ADIPOR2: variants seen among roughly 807,000 people sequenced by gnomAD.
The protein encoded by ADIPOR2 is adiponectin receptor 2, also known as adiponectin receptor protein 2.
In ADIPOR2, 18 loss-of-function variants were observed where a neutral mutation model predicts 40.9. That is an observed-to-expected ratio of 0.44 (90% CI 0.30 to 0.65). The LOEUF is 0.65. Among genes scored for constraint, ADIPOR2 ranks in the 30% least tolerant of loss-of-function variants. The probability of loss-of-function intolerance (pLI) is 0.09; values close to 1 mark genes in which losing one functional copy is unlikely to be tolerated. For missense variants in ADIPOR2, 283 were observed against 479.2 expected (o/e 0.59, Z 3.82); for synonymous variants, 165 against 166.4 (o/e 0.99, Z 0.06).
intron 1 of ADIPOR2, among the ~76,000 whole-genome samples, chr12:1,745,705 A>G (rs985630210): frequency 3.9e-5 from 6 of 152,194 alleles, no homozygotes; most frequent in African/African-American, 1.4e-4. Flanking sequence ...CCATTCTTCC[A>G]CTCAAACTTC....
intron 1 of ADIPOR2, among the ~76,000 whole-genome samples, chr12:1,745,315 A>G (rs1194187985): frequency 1.3e-5 from 2 of 152,138 alleles, no homozygotes; most frequent in Non-Finnish European, 2.9e-5. Flanking sequence ...GAAATTCCAC[A>G]TGCTCTTGTT....
rs938198568 is a variant in ADIPOR2, at chr12:1,728,597, G to A, written c.-86-25661G>A. Among the ~76,000 whole-genome samples, 7 of 151,658 alleles carry A rather than the reference G, an allele frequency of 4.6e-5. No homozygotes were observed. The South Asian group carries it at 1.2e-3, about 27-fold the overall frequency. On this transcript the variant is annotated intron_variant, in intron 1 of 7. Transcript: ENST00000357103. ...AAATTAGCCGGGCGTGGTGGTGGGC[G>A]CCTGTAATCCCAGCTACTCCGGAGG...
Position 1,783,974 on chromosome 12 carries a change from A to C in ADIPOR2, c.933A>C (p.Ile311=). The C allele has an allele frequency of 6.2e-7, 1 of 1,613,886 alleles. No homozygotes were observed. The highest frequency in any genetic ancestry group is 8.5e-7 in the Non-Finnish European group (1 of 1,179,916). ...TTAAGGCCGCCACCATAGGGCAGAT[A>C]GGCTGGTTGATGCTGATGGCCAGCC... ...GFLKAATIGQ[I]GWLMLMASLY... Residue 311 remains isoleucine (I), a synonymous_variant, in exon 7 of 8, where the codon ATA becomes ATC. Transcript: ENST00000357103.
intron 3 of ADIPOR2, among the ~76,000 whole-genome samples, chr12:1,773,516 CTT>C (rs34995304): frequency 0.31 from 39,094 of 124,158 alleles, 3,659 homozygotes; most frequent in Middle Eastern, 0.4. Flanking sequence ...TTATGGGATT[CTT>C]TTTTTTTTTT....
chr12:1,760,288 T>C (rs778491764), intron 2 of ADIPOR2, among the ~76,000 whole-genome samples: 5 of 152,260 alleles, frequency 3.3e-5, no homozygotes, highest in Admixed American at 6.5e-5. Flanking sequence ...AAGGAAAATA[T>C]CACATTTACT....
chr12:1,714,890 C>G (rs930160886), intron 1 of ADIPOR2, among the ~76,000 whole-genome samples: 2 of 152,178 alleles, frequency 1.3e-5, no homozygotes, highest in East Asian at 3.9e-4. Context: ...CATCTATATA[C>G]CTATCAGGAT....
chr12:1,741,443 G>A lies in ADIPOR2; in HGVS notation c.-86-12815G>A, dbSNP rs2094742726. ...TAATGGATTAAGTATGGGGGCTTAG[G>A]AAGAGGGAGGAATATCTTTGGCAAT... On this transcript the variant is annotated intron_variant, in intron 1 of 7. Transcript: ENST00000357103. 1.3e-5 allele frequency among the ~76,000 whole-genome samples: 2 copies of A among 152,178 alleles called. 1 individual carries two copies. Among genetic ancestry groups the A allele is most frequent in the South Asian group, 4.1e-4 (2 of 4,828 alleles).
intron 1 of ADIPOR2, among the ~76,000 whole-genome samples, chr12:1,702,087 A>G (rs2094651339): frequency 6.6e-6 from 1 of 152,280 alleles, no homozygotes; most frequent in East Asian, 1.9e-4. Context: ...ACGCCATTGC[A>G]CTCCAGCTTG....
chr12:1,757,612 T>C, intron 2 of ADIPOR2: 1 of 1,255,008 alleles, frequency 8.0e-7, no homozygotes, highest in Non-Finnish European at 1.2e-6. Flanking sequence ...AGTCACCAGA[T>C]GAGGGATTCC....
chr12:1,775,083 G>A lies in ADIPOR2; in HGVS notation c.291+2122G>A, dbSNP rs540872549. 1.0e-3 allele frequency among the ~76,000 whole-genome samples: 155 copies of A among 151,920 alleles called. 1 individual carries two copies. Among genetic ancestry groups the A allele is most frequent in the Non-Finnish European group, 1.9e-3 (128 of 67,982 alleles). ...CATCTCCTGACCTCGTGATCTGCCC[G>A]CCTCGGCCTCCCATAGTGCTGGGAT... On this transcript the variant is annotated intron_variant, in intron 3 of 7. Coordinates refer to ENST00000357103, the MANE Select transcript of ADIPOR2 (RefSeq NM_024551.3).
intron 1 of ADIPOR2, among the ~76,000 whole-genome samples, chr12:1,715,233 T>A (rs758682237): frequency 1.3e-5 from 2 of 152,120 alleles, no homozygotes; most frequent in African/African-American, 2.4e-5. Context: ...CATAAGGTAT[T>A]TCACTCCGTT....
intron 1 of ADIPOR2, among the ~76,000 whole-genome samples, chr12:1,706,759 T>G (rs1370873433): frequency 6.6e-6 from 1 of 152,142 alleles, no homozygotes; most frequent in East Asian, 1.9e-4. Flanking sequence ...TCACAGTCAG[T>G]GCACCACACC....
intron 1 of ADIPOR2, among the ~76,000 whole-genome samples, chr12:1,691,594 C>T (rs1475100668): frequency 6.6e-6 from 1 of 152,220 alleles, no homozygotes; most frequent in Non-Finnish European, 1.5e-5. Context: ...GTTTTTATCA[C>T]TTCTAGGAAT....
chr12:1,755,071 T>C (rs1488739062), intron 2 of ADIPOR2, among the ~76,000 whole-genome samples: 1 of 92,324 alleles, frequency 1.1e-5, no homozygotes, highest in Non-Finnish European at 2.9e-5. Context: ...TTAATGTCTT[T>C]CTGCTGACTC....
At position 1,756,574 on chromosome 12, in the gene ADIPOR2, T is replaced by A. The variant is rs181813783; in HGVS notation, c.171+2060T>A. Among the ~76,000 whole-genome samples, 5 of 152,006 alleles carry A rather than the reference T, an allele frequency of 3.3e-5. No individual in the cohort carries two copies. In the East Asian group the frequency reaches 9.7e-4, roughly 29 times the overall value. Reference sequence around the variant, plus strand: ...CCAGTCAGAGAACAGATTATACAGGTTTATTCAGGGAATTTAAATTTTATT... The same window carrying A: ...CCAGTCAGAGAACAGATTATACAGGATTATTCAGGGAATTTAAATTTTATT... On this transcript the variant is annotated intron_variant, in intron 2 of 7. Coordinates refer to ENST00000357103, the MANE Select transcript of ADIPOR2 (RefSeq NM_024551.3).
intron 1 of ADIPOR2, among the ~76,000 whole-genome samples, chr12:1,749,832 G>GTTTTT (rs57852014): frequency 8.4e-6 from 1 of 119,238 alleles, no homozygotes; most frequent in Non-Finnish European, 1.7e-5. Context: ...TATTTGTTTA[G>GTTTTT]TTTTTTTTTT....
chr12:1,712,030 G>A (rs945890568), intron 1 of ADIPOR2, among the ~76,000 whole-genome samples: 1 of 152,236 alleles, frequency 6.6e-6, no homozygotes, highest in East Asian at 1.9e-4. Flanking sequence ...CTATCTGGCC[G>A]CTGGTCCCTG....
rs540718709 is a variant in ADIPOR2, at chr12:1,718,883, C to T, written c.-87+27692C>T. ...CTTGTGATTTTATTTAAAGGTTGGT[C>T]TACTTAATGCTGGGGGAAAAAAGAA... On this transcript the variant is annotated intron_variant, in intron 1 of 7. Transcript: ENST00000357103. Among the ~76,000 whole-genome samples, 64 of 152,216 alleles carry T rather than the reference C, an allele frequency of 4.2e-4. No homozygotes were observed. The South Asian group carries it at 0.011, about 25-fold the overall frequency.
chr12:1,754,472 G>A lies in ADIPOR2; in HGVS notation c.129G>A (p.Glu43=). 1.2e-6 allele frequency: 2 copies of A among 1,613,136 alleles called. No individual in the cohort carries two copies. The highest frequency in any genetic ancestry group is 1.7e-6 in the Non-Finnish European group (2 of 1,179,570). The change falls in exon 2 of 8, where the codon GAG becomes GAA. Residue 43 remains glutamate (E), a synonymous_variant. Transcript: ENST00000357103. ...ATGACAGCCACCAAGGAGATTTGGA[G>A]CCCATTTTAGAGGCATCTGTTCTAT... ...GDNDSHQGDL[E]PILEASVLSS... is the part of the protein sequence containing the mutation.
Sources: allele counts gnomAD v4.1 joint callset (sites outside exome capture counted in the v4.1 genomes callset), GRCh38; gene constraint gnomAD v4.1.1; transcripts MANE v1.5; gene names NCBI Gene and HGNC (gene_info 2026-07-23, HGNC 2026-07-21).